Variants in RFX3 observed in about 807,000 individuals in gnomAD.
RFX3 encodes regulatory factor X3, also known as transcription factor RFX3.
Under a neutral mutation model 98.6 loss-of-function variants are expected in RFX3, and 14 were observed. That is an observed-to-expected ratio of 0.14 (90% confidence interval 0.09 to 0.22). RFX3 has a LOEUF of 0.22. Ranked by LOEUF, RFX3 falls within the 10% of genes least tolerant of loss-of-function variation. RFX3 has a pLI of 1.00. For synonymous variants in RFX3, 383 were observed against 328.4 expected, an observed-to-expected ratio of 1.17 and a Z score of -1.80; for missense variants, 639 against 926.9, an observed-to-expected ratio of 0.69 and a Z score of 4.03.
At chr9:3,391,612 A>C (rs1165612337) in intron 2 of RFX3, among the ~76,000 whole-genome samples, 1 of 152,200 alleles carries the variant, frequency 6.6e-6, no homozygotes, top group Non-Finnish European at 1.5e-5. Context: ...TTTTTTCCAA[A>C]GTGTGGTCCA....
intron 1 of RFX3, among the ~76,000 whole-genome samples, chr9:3,453,157 AT>A (rs1386230348): frequency 6.6e-6 from 1 of 152,042 alleles, no homozygotes; most frequent in African/African-American, 2.4e-5. Context: ...TATGGTCATT[AT>A]CAGTATAAAT....
chr9:3,423,778 C>CATATATATATATACATATATAT (rs1554704305), intron 1 of RFX3, among the ~76,000 whole-genome samples: 3 of 111,056 alleles, frequency 2.7e-5, no homozygotes, highest in African/African-American at 9.5e-5. Context: ...TATATATTTT[C>CATATATATATATACATATATAT]ATATATATAT....
chr9:3,495,245 T>A (rs894774201), intron 1 of RFX3, among the ~76,000 whole-genome samples: 10 of 151,820 alleles, frequency 6.6e-5, no homozygotes, highest in African/African-American at 2.4e-4. Context: ...AGCAAGAAAA[T>A]TTATGAAGCT....
intron 2 of RFX3, among the ~76,000 whole-genome samples, chr9:3,372,945 A>G (rs1221858274): frequency 6.6e-6 from 1 of 152,164 alleles, no homozygotes; most frequent in Non-Finnish European, 1.5e-5. Flanking sequence ...CTCTTGGAAA[A>G]AAGGTTGCAA....
intron 8 of RFX3, among the ~76,000 whole-genome samples, chr9:3,276,379 A>G (rs1001469102): frequency 6.6e-6 from 1 of 152,120 alleles, no homozygotes; most frequent in Non-Finnish European, 1.5e-5. Context: ...TTAATGTAAG[A>G]CATTTTGGTG....
chr9:3,511,531 G>A (rs1192957311), intron 1 of RFX3, among the ~76,000 whole-genome samples: 4 of 151,988 alleles, frequency 2.6e-5, no homozygotes, highest in Admixed American at 2.6e-4. Context: ...GCTCTTAGAT[G>A]TCTCTTCCTT....
intron 1 of RFX3, among the ~76,000 whole-genome samples, chr9:3,427,321 C>T (rs1483868311): frequency 7.4e-6 from 1 of 135,044 alleles, no homozygotes; most frequent in Non-Finnish European, 1.6e-5. Flanking sequence ...CATAATAATA[C>T]AATATATAAA....
At chr9:3,495,111 T>C (rs1851009665) in intron 1 of RFX3, among the ~76,000 whole-genome samples, 1 of 151,684 alleles carries the variant, frequency 6.6e-6, no homozygotes, top group African/African-American at 2.4e-5. Flanking sequence ...TATATTAATG[T>C]ATATGTATAT....
At chr9:3,453,713 A>G (rs1433020670) in intron 1 of RFX3, 2 of 149,880 alleles carry the variant, frequency 1.3e-5, no homozygotes, top group African/African-American at 2.5e-5. Flanking sequence ...CTTTTTTCAA[A>G]AAAAAAAAAA....
chr9:3,488,727 T>C (rs1850481403), intron 1 of RFX3: 1 of 959,188 alleles, frequency 1.0e-6, no homozygotes, highest in Non-Finnish European at 1.2e-6. Context: ...TCCATAAAAT[T>C]GTAGAAAATG....
chr9:3,260,358 A>G lies in RFX3; in HGVS notation c.1605+2577T>C, dbSNP rs1164121321. Among the ~76,000 whole-genome samples, 3 of 152,138 alleles carry G rather than the reference A, an allele frequency of 2.0e-5. No individual in the cohort carries two copies. The East Asian group carries it at 5.8e-4, about 29-fold the overall frequency. On this transcript the variant is annotated intron_variant, in intron 13 of 16. Transcript: ENST00000617270. ...TCGTACAGTAGACATATCACTGATC[A>G]TTAATATGCAAAAATGTTCCCAAGG...
chr9:3,406,649 C>G (rs1042657576), intron 1 of RFX3, among the ~76,000 whole-genome samples: 3 of 152,020 alleles, frequency 2.0e-5, no homozygotes, highest in African/African-American at 7.3e-5. Flanking sequence ...GAGTTTAAGA[C>G]CCTATTGAAA....
At chr9:3,452,942 G>GT (rs1164086275) in intron 1 of RFX3, among the ~76,000 whole-genome samples, 2 of 152,088 alleles carry the variant, frequency 1.3e-5, no homozygotes, top group Non-Finnish European at 2.9e-5. Context: ...CAAATCAGCC[G>GT]TCTCAAAATA....
intron 14 of RFX3, among the ~76,000 whole-genome samples, chr9:3,249,848 G>A (rs1192463878): frequency 6.6e-6 from 1 of 151,954 alleles, no homozygotes; most frequent in East Asian, 1.9e-4. Context: ...CTACATTAGT[G>A]TTAATAATAT....
intron 1 of RFX3, among the ~76,000 whole-genome samples, chr9:3,472,096 A>C (rs189853788): frequency 1.4e-4 from 21 of 152,304 alleles, no homozygotes; most frequent in Non-Finnish European, 1.9e-4. Flanking sequence ...ATAAAATATA[A>C]TCTTAGGCCA....
chr9:3,241,551 A>G (rs1475217786), intron 15 of RFX3, among the ~76,000 whole-genome samples: 1 of 152,154 alleles, frequency 6.6e-6, no homozygotes, highest in Non-Finnish European at 1.5e-5. Context: ...AGAGAAATGA[A>G]CAGAATGACA....
chr9:3,297,104 C>T (rs1181607639), intron 5 of RFX3, among the ~76,000 whole-genome samples: 3 of 152,026 alleles, frequency 2.0e-5, no homozygotes, highest in Admixed American at 2.0e-4. Context: ...ATGAGCTACC[C>T]AAGGGAAGTT....
At chr9:3,320,768 CATATATATATAT>C (rs34990458) in intron 4 of RFX3, among the ~76,000 whole-genome samples, 9,954 of 85,824 alleles carry the variant, frequency 0.12, 601 homozygotes, top group Non-Finnish European at 0.16. Context: ...TGCTACATAG[CATATATATATAT>C]ATATATATAT....
At chr9:3,253,227 T>A (rs1821666591) in intron 14 of RFX3, among the ~76,000 whole-genome samples, 1 of 152,340 alleles carries the variant, frequency 6.6e-6, no homozygotes, top group South Asian at 2.1e-4. Context: ...TTCTGAGTGT[T>A]TGAAGATGTA....
Sources: allele counts gnomAD v4.1 joint callset (sites outside exome capture counted in the v4.1 genomes callset), GRCh38; gene constraint gnomAD v4.1.1; transcripts MANE v1.5; gene names NCBI Gene and HGNC (gene_info 2026-07-23, HGNC 2026-07-21).